Variants in EHBP1 observed in about 807,000 individuals in gnomAD.
The protein encoded by EHBP1 is EH domain-binding protein 1.
In EHBP1, 55 loss-of-function variants were observed where a neutral mutation model predicts 144.0. The observed-to-expected ratio is 0.38, with a 90% CI of 0.31 to 0.48. EHBP1 has a LOEUF of 0.48. EHBP1 is among the 20% of genes least tolerant of loss of function. The pLI is 0.98. For missense variants in EHBP1, 1,200 were observed against 1,364.2 expected (o/e 0.88, Z 1.90); for synonymous variants, 469 against 472.7 (o/e 0.99, Z 0.10).
chr2:62,705,478 A>G (rs2034454827), upstream of EHBP1, among the ~76,000 whole-genome samples: 1 of 151,430 alleles, frequency 6.6e-6, no homozygotes, highest in African/African-American at 2.4e-5. Context: ...GATCGTCCTT[A>G]GTCGGTTCCT....
Position 62,948,439 on chromosome 2 carries a change from T to C in EHBP1, c.1593T>C (p.Tyr531=), listed in dbSNP as rs779063933. The change falls in exon 13 of 23, where the codon TAT becomes TAC. Residue 531 remains tyrosine (Y), a synonymous_variant. Transcript: ENST00000431489. ...QIEENSSKST[Y]KVGNYETDTN... The stretch of plus-strand genomic sequence containing the variant: ...AGGAAAACAGCAGTAAAAGCACATA[T>C]AAAGTTGGAAACTATGAAACAGATA... The C allele has an allele frequency of 3.1e-6, 5 of 1,613,630 alleles. No homozygotes were observed. The South Asian group carries it at 5.5e-5, about 18-fold the overall frequency.
At chr2:62,792,954 TA>T (rs1232662491) in intron 5 of EHBP1, among the ~76,000 whole-genome samples, 1 of 151,984 alleles carries the variant, frequency 6.6e-6, no homozygotes, top group East Asian at 1.9e-4. Context: ...AGTGTATCTT[TA>T]AAAATTTTAA....
At position 62,798,365 on chromosome 2, in the gene EHBP1, C is replaced by CA. The variant is rs139839270; in HGVS notation, c.312+26986dup. Among the ~76,000 whole-genome samples the CA allele has an allele frequency of 7.9e-3, 1,072 of 134,934 alleles. 7 individuals are homozygous for CA. Among genetic ancestry groups the CA allele is most frequent in the Middle Eastern group, 0.015 (4 of 264 alleles). 88.5% of individuals were successfully genotyped at this position (134,934 alleles called of 152,430 possible). On this transcript the variant is annotated intron_variant, in intron 5 of 22. Coordinates refer to ENST00000431489, the MANE Select transcript of EHBP1 (RefSeq NM_001142616.3). Reference sequence around the variant, plus strand: ...CCTGGGTGACAGAGTGAGACTCCGTCAAAAAAAAAAAAAGAAAGAAATATC... The same window carrying CA: ...CCTGGGTGACAGAGTGAGACTCCGTCAAAAAAAAAAAAAAGAAAGAAATATC...
At chr2:62,980,729 A>G (rs933785831) in intron 15 of EHBP1, among the ~76,000 whole-genome samples, 5 of 151,882 alleles carry the variant, frequency 3.3e-5, no homozygotes, top group African/African-American at 1.2e-4. Context: ...CTGTAATCCC[A>G]ACACTCTGGG....
At chr2:62,703,042 G>A (rs968198270), upstream of EHBP1, among the ~76,000 whole-genome samples, 5 of 152,118 alleles carry the variant, frequency 3.3e-5, no homozygotes, top group African/African-American at 1.2e-4. Flanking sequence ...TATTTAATAT[G>A]ATCAGGCTGG....
chr2:62,915,851 C>A (rs1301936763), intron 10 of EHBP1, among the ~76,000 whole-genome samples: 2 of 152,084 alleles, frequency 1.3e-5, no homozygotes, highest in Non-Finnish European at 2.9e-5. Context: ...GAAACAAACA[C>A]AATCTCATTC....
chr2:62,835,097 T>G (rs1390968555), intron 7 of EHBP1, among the ~76,000 whole-genome samples: 2 of 152,222 alleles, frequency 1.3e-5, no homozygotes, highest in Non-Finnish European at 2.9e-5. Flanking sequence ...TGTTGATATT[T>G]GTAAACAATG....
At chr2:62,929,288 T>G (rs1399745581) in intron 10 of EHBP1, among the ~76,000 whole-genome samples, 2 of 152,134 alleles carry the variant, frequency 1.3e-5, no homozygotes, top group Non-Finnish European at 2.9e-5. Context: ...AAAACAAAAC[T>G]GCAGACTAAT....
chr2:62,910,441 A>G (rs2054129090), intron 10 of EHBP1, among the ~76,000 whole-genome samples: 1 of 152,296 alleles, frequency 6.6e-6, no homozygotes, highest in South Asian at 2.1e-4. Flanking sequence ...GACTTAAACC[A>G]TCGTGTTAAA....
chr2:62,979,873 G>C (rs1416649462), intron 15 of EHBP1, among the ~76,000 whole-genome samples: 1 of 151,866 alleles, frequency 6.6e-6, no homozygotes, highest in Non-Finnish European at 1.5e-5. Context: ...CTTGATGTTG[G>C]GACAAGGGCT....
At chr2:62,704,706 G>C (rs1033912849), upstream of EHBP1, among the ~76,000 whole-genome samples, 8 of 151,992 alleles carry the variant, frequency 5.3e-5, no homozygotes, top group Admixed American at 2.6e-4. Flanking sequence ...TTCATTCTTT[G>C]TCCTCTTTCT....
At chr2:62,734,761 ATG>A (rs1489215373) in intron 2 of EHBP1, among the ~76,000 whole-genome samples, 1 of 152,004 alleles carries the variant, frequency 6.6e-6, no homozygotes, top group East Asian at 1.9e-4. Flanking sequence ...GTGTGCGTGC[ATG>A]TGTGTGTTTT....
intron 18 of EHBP1, 123 bp from the exon 19 acceptor site, chr2:62,996,520 A>G: frequency 1.6e-6 from 2 of 1,215,022 alleles, no homozygotes; most frequent in Non-Finnish European, 2.3e-6. Context: ...GCTTTTTGGT[A>G]CTAAGGGTGA....
At chr2:62,784,274 C>T (rs2042653326) in intron 5 of EHBP1, among the ~76,000 whole-genome samples, 1 of 152,100 alleles carries the variant, frequency 6.6e-6, no homozygotes, top group African/African-American at 2.4e-5. Flanking sequence ...TCTTTTCAAA[C>T]TGAAGAAGAG....
At chr2:62,870,335 C>T (rs2050362212) in intron 9 of EHBP1, among the ~76,000 whole-genome samples, 1 of 152,122 alleles carries the variant, frequency 6.6e-6, no homozygotes, top group African/African-American at 2.4e-5. Context: ...TCCAGAACCA[C>T]ATCAAATGAA....
intron 10 of EHBP1, among the ~76,000 whole-genome samples, chr2:62,923,852 G>A (rs1413295528): frequency 1.3e-5 from 2 of 152,182 alleles, no homozygotes; most frequent in African/African-American, 2.4e-5. Flanking sequence ...GGCCACACCT[G>A]GCAAACACAC....
At chr2:62,840,180 C>T (rs1478806644) in intron 7 of EHBP1, among the ~76,000 whole-genome samples, 6 of 149,794 alleles carry the variant, frequency 4.0e-5, no homozygotes, top group South Asian at 2.1e-4. Flanking sequence ...TCAGAAATAA[C>T]GCCGCATACC....
rs543700880 is a variant in EHBP1, at chr2:62,711,961, G to T, written c.104+4666G>T. On this transcript the variant is annotated intron_variant, in intron 2 of 22. Coordinates refer to ENST00000431489, the MANE Select transcript of EHBP1 (RefSeq NM_001142616.3). ...TACAGTGAGTATGATGATTTTTTTG[G>T]AGTATTTTGCTACAAAGCAGAGAAC... Among the ~76,000 whole-genome samples the T allele has an allele frequency of 7.9e-5, 12 of 152,234 alleles. 1 individual carries two copies. The South Asian group carries it at 2.5e-3, about 32-fold the overall frequency.
chr2:62,690,194 G>T (rs1245434690), intron 1 of EHBP1, among the ~76,000 whole-genome samples: 1 of 152,140 alleles, frequency 6.6e-6, no homozygotes, highest in African/African-American at 2.4e-5. Context: ...GTGCCTCCTT[G>T]GGGGTAGCAG....
Sources: allele counts gnomAD v4.1 joint callset (sites outside exome capture counted in the v4.1 genomes callset), GRCh38; gene constraint gnomAD v4.1.1; transcripts MANE v1.5; gene names NCBI Gene and HGNC (gene_info 2026-07-23, HGNC 2026-07-21).